Variants in REV3L observed in about 807,000 individuals in gnomAD.
REV3L encodes the protein DNA polymerase zeta catalytic subunit.
In REV3L, 69 loss-of-function variants were observed where a neutral mutation model predicts 299.4. The observed-to-expected ratio is 0.23, with a 90% CI of 0.19 to 0.28. REV3L has a LOEUF of 0.28. REV3L is among the 10% of genes least tolerant of loss of function. REV3L has a pLI of 1.00. For synonymous variants in REV3L, 1,238 were observed against 1,271.4 expected (o/e 0.97, Z 0.56); for missense variants, 3,128 against 3,693.8 (o/e 0.85, Z 3.97).
intron 1 of REV3L, among the ~76,000 whole-genome samples, chr6:111,432,972 AG>A (rs1787120492): frequency 6.6e-6 from 1 of 152,242 alleles, no homozygotes; most frequent in Non-Finnish European, 1.5e-5. Flanking sequence ...GAAATTAAGA[AG>A]GAAATTTAAA....
intron 26 of REV3L, among the ~76,000 whole-genome samples, chr6:111,319,378 G>A (rs1038342511): frequency 6.6e-6 from 1 of 151,934 alleles, no homozygotes; most frequent in African/African-American, 2.4e-5. Flanking sequence ...GGAGAATGGC[G>A]TGAACCTGGG....
chr6:111,448,712 C>T (rs1443451018), intron 1 of REV3L, among the ~76,000 whole-genome samples: 1 of 151,976 alleles, frequency 6.6e-6, no homozygotes, highest in Non-Finnish European at 1.5e-5. Context: ...CCTCAACCTC[C>T]CAGGATTAAA....
chr6:111,384,791 C>T (rs1374842122), intron 9 of REV3L, among the ~76,000 whole-genome samples: 1 of 152,142 alleles, frequency 6.6e-6, no homozygotes, highest in African/African-American at 2.4e-5. Context: ...GAAGAGATAT[C>T]TGCACTCCCA....
intron 26 of REV3L, among the ~76,000 whole-genome samples, chr6:111,320,052 A>C (rs1773969742): frequency 6.8e-6 from 1 of 147,674 alleles, no homozygotes; most frequent in South Asian, 2.1e-4. Context: ...CAGGGATTAC[A>C]GGTGTGAGCC....
intron 28 of REV3L, chr6:111,311,468 A>T (rs774761251): frequency 5.2e-6 from 2 of 387,260 alleles, no homozygotes; most frequent in Non-Finnish European, 9.1e-6. Context: ...ATAGAATATC[A>T]TGTAGTTTAA....
intron 4 of REV3L, among the ~76,000 whole-genome samples, chr6:111,403,434 T>TA (rs1405147357): frequency 6.6e-6 from 1 of 152,242 alleles, no homozygotes; most frequent in African/African-American, 2.4e-5. Flanking sequence ...TGAGCAAATC[T>TA]ATTGGTGCCA....
intron 1 of REV3L, among the ~76,000 whole-genome samples, chr6:111,450,667 A>C (rs1200032680): frequency 6.6e-6 from 1 of 152,128 alleles, no homozygotes; most frequent in Non-Finnish European, 1.5e-5. Flanking sequence ...CTACAAGAGC[A>C]AACTATTACA....
intron 27 of REV3L, among the ~76,000 whole-genome samples, chr6:111,314,485 T>C (rs897428692): frequency 1.3e-5 from 2 of 152,198 alleles, no homozygotes; most frequent in African/African-American, 2.4e-5. Flanking sequence ...GAAAGGCCAC[T>C]GGTAGGTGTT....
chr6:111,443,304 C>T (rs1788489631), intron 1 of REV3L, among the ~76,000 whole-genome samples: 2 of 151,982 alleles, frequency 1.3e-5, no homozygotes, highest in African/African-American at 2.4e-5. Context: ...GCCGCCACCT[C>T]GCCCAGCTAA....
Position 111,384,427 on chromosome 6 carries a change from A to T in REV3L, c.1097-2983T>A, listed in dbSNP as rs186231866. On this transcript the variant is annotated intron_variant, in intron 9 of 31. Coordinates refer to ENST00000368802, the MANE Select transcript of REV3L (RefSeq NM_001372078.1). ...AAAAATCTAATAATCCAATTAAAAA[A>T]TCGGCAAAAGATCTGAACAGACATT... 5.3e-5 allele frequency among the ~76,000 whole-genome samples: 8 copies of T among 152,312 alleles called. No individual in the cohort carries two copies. The East Asian group carries it at 1.2e-3, about 22-fold the overall frequency.
chr6:111,469,407 A>T (rs1441495942), intron 1 of REV3L, among the ~76,000 whole-genome samples: 1 of 152,250 alleles, frequency 6.6e-6, no homozygotes, highest in Non-Finnish European at 1.5e-5. Flanking sequence ...CACTACTTCA[A>T]GAAAGGAGCA....
At chr6:111,385,999 C>T (rs186461060) in intron 9 of REV3L, among the ~76,000 whole-genome samples, 3 of 152,282 alleles carry the variant, frequency 2.0e-5, no homozygotes, top group South Asian at 2.1e-4. Flanking sequence ...AGTAAAATTG[C>T]GTATGATACA....
rs774818938 is a variant in REV3L at position 111,374,056 on chromosome 6, C to T, written c.4299G>A (p.Ala1433=). 2.5e-5 allele frequency: 40 copies of T among 1,613,958 alleles called. 1 individual carries two copies. Among genetic ancestry groups the T allele is most frequent in the Non-Finnish European group, 2.9e-5 (34 of 1,179,982 alleles). ...KDSQQQIVCI[A]EQSKHSETCS... ...AAGTTTCACTGTGCTTTGACTGTTC[C>T]GCTATGCACACAATCTGCTGCTGAC... Residue 1433 remains alanine (A), a synonymous_variant, in exon 13 of 32, where the codon GCG becomes GCA. Coordinates refer to ENST00000368802, the MANE Select transcript of REV3L (RefSeq NM_001372078.1).
intron 18 of REV3L, among the ~76,000 whole-genome samples, chr6:111,355,725 T>C (rs934544850): frequency 5.9e-5 from 9 of 152,138 alleles, no homozygotes; most frequent in Non-Finnish European, 1.2e-4. Flanking sequence ...CATGTGCTGG[T>C]ACACAAAATA....
In REV3L at chr6:111,333,458, T is replaced by C. The variant is rs557069813; in HGVS notation, c.7681-91A>G. The stretch of plus-strand genomic sequence containing the variant: ...TAATCATTTGAGGATAATCTGCTTT[T>C]CAGAATAAGATTGTATGACTTTTTT... On this transcript the variant is annotated intron_variant, in intron 22 of 31. Transcript: ENST00000368802. The C allele has an allele frequency of 1.5e-5, 23 of 1,494,670 alleles. No individual in the cohort carries two copies. The African/African-American group carries it at 3.1e-4, about 20-fold the overall frequency. The allele number at this position is 1,494,670 out of a possible 1,614,324, so 92.6% of individuals were successfully genotyped here.
chr6:111,411,612 C>A, intron 2 of REV3L, 58 bp from the exon 3 acceptor site: 3 of 1,088,064 alleles, frequency 2.8e-6, no homozygotes, highest in South Asian at 1.4e-5. Flanking sequence ...TGAAATAATG[C>A]AACTTATTGC....
intron 1 of REV3L, among the ~76,000 whole-genome samples, chr6:111,449,009 A>C (rs141949499): frequency 1.6e-3 from 247 of 152,234 alleles, no homozygotes; most frequent in African/African-American, 5.5e-3. Context: ...TTGCAAACAA[A>C]TCATTCCTGA....
At chr6:111,342,852 T>G (rs1248510709) in intron 21 of REV3L, among the ~76,000 whole-genome samples, 2 of 152,130 alleles carry the variant, frequency 1.3e-5, no homozygotes, top group African/African-American at 4.8e-5. Flanking sequence ...AACTGTTGAC[T>G]TCTCATCAGC....
intron 19 of REV3L, among the ~76,000 whole-genome samples, chr6:111,350,752 CTTTTTTTTTT>C (rs35185792): frequency 7.2e-6 from 1 of 138,642 alleles, no homozygotes; most frequent in Non-Finnish European, 1.6e-5. Context: ...AATTTTCTTT[CTTTTTTTTTT>C]TTTTTTGGTA....
Sources: allele counts gnomAD v4.1 joint callset (sites outside exome capture counted in the v4.1 genomes callset), GRCh38; gene constraint gnomAD v4.1.1; transcripts MANE v1.5; gene names NCBI Gene and HGNC (gene_info 2026-07-23, HGNC 2026-07-21).